The following ANO4 variants were observed in gnomAD, a reference collection of about 807,000 sequenced individuals.
ANO4 encodes the protein anoctamin 4.
Under a neutral mutation model 141.9 loss-of-function variants are expected in ANO4, and 69 were observed. That is an observed-to-expected ratio of 0.49 (90% CI 0.40 to 0.59). The LOEUF (loss-of-function observed/expected upper bound fraction) is 0.59. Ranked by LOEUF, ANO4 falls within the 20% of genes least tolerant of loss-of-function variation. The pLI is 0.00. For synonymous variants in ANO4, 350 were observed against 394.3 expected (o/e 0.89, Z 1.33); for missense variants, 894 against 1,162.2 (o/e 0.77, Z 3.36).
At chr12:100,937,431 G>A (rs78966216) in intron 3 of ANO4, among the ~76,000 whole-genome samples, 3,233 of 152,274 alleles carry the variant, frequency 0.021, 118 homozygotes, top group African/African-American at 0.073. Flanking sequence ...CAGTGGTCAG[G>A]GAAGTTGTCT....
At chr12:101,083,588 C>T in intron 15 of ANO4, 90 bp from the exon 16 acceptor site, 5 of 1,467,124 alleles carry the variant, frequency 3.4e-6, no homozygotes, top group Non-Finnish European at 4.6e-6. Flanking sequence ...CAGCTGTTGA[C>T]TCTGTTTTAT....
At chr12:101,026,926 A>G (rs570784239) in intron 9 of ANO4, among the ~76,000 whole-genome samples, 2 of 152,308 alleles carry the variant, frequency 1.3e-5, no homozygotes, top group South Asian at 4.1e-4. Context: ...TTTTCAAGAG[A>G]ATGAAAAGAA....
chr12:101,065,538 A>G (rs1187873457), intron 14 of ANO4, among the ~76,000 whole-genome samples: 3 of 152,214 alleles, frequency 2.0e-5, no homozygotes, highest in Admixed American at 1.3e-4. Flanking sequence ...TTAGACTCAT[A>G]CAACTTACCA....
chr12:101,078,759 T>G (rs2049126194), intron 14 of ANO4, among the ~76,000 whole-genome samples: 1 of 152,192 alleles, frequency 6.6e-6, no homozygotes, highest in South Asian at 2.1e-4. Context: ...TCATTTTGAC[T>G]TTTCTGCTCC....
intron 5 of ANO4, among the ~76,000 whole-genome samples, chr12:100,953,992 A>G (rs576101467): frequency 6.6e-4 from 101 of 152,216 alleles, no homozygotes; most frequent in African/African-American, 1.9e-3. Flanking sequence ...CAGTGTTGGG[A>G]TTTTGGAGAG....
At chr12:100,911,189 A>T (rs761554030) in intron 2 of ANO4, among the ~76,000 whole-genome samples, 3 of 152,144 alleles carry the variant, frequency 2.0e-5, no homozygotes, top group Non-Finnish European at 4.4e-5. Context: ...TAATATTCTC[A>T]TGCTATTTTC....
intron 1 of ANO4, among the ~76,000 whole-genome samples, chr12:100,892,538 T>C (rs2040155928): frequency 6.6e-6 from 1 of 152,200 alleles, no homozygotes; most frequent in Admixed American, 6.5e-5. Flanking sequence ...ACCTGTAGTC[T>C]TCCTTAGGTA....
At chr12:101,105,154 C>T (rs186090631) in intron 22 of ANO4, among the ~76,000 whole-genome samples, 47 of 152,246 alleles carry the variant, frequency 3.1e-4, no homozygotes, top group African/African-American at 1.1e-3. Flanking sequence ...GTTTCTCAAT[C>T]ACAGCAAAGG....
intron 22 of ANO4, 147 bp downstream of exon 22, chr12:101,099,867 T>C (rs913487032): frequency 1.8e-6 from 1 of 545,890 alleles, no homozygotes; most frequent in African/African-American, 2.0e-5. Flanking sequence ...CTGCTTAAAC[T>C]GTGCTACACT....
At chr12:100,794,428 T>C (rs188143266), upstream of ANO4, among the ~76,000 whole-genome samples, 110 of 152,258 alleles carry the variant, frequency 7.2e-4, no homozygotes, top group African/African-American at 2.6e-3. Flanking sequence ...CAAGCAAACA[T>C]TAACAGCAGC....
chr12:100,929,642 C>A (rs1283525335), intron 3 of ANO4, among the ~76,000 whole-genome samples: 1 of 152,080 alleles, frequency 6.6e-6, no homozygotes, highest in Non-Finnish European at 1.5e-5. Context: ...AGCAGAATTG[C>A]TGGATCATAT....
At chr12:100,942,236 C>T in intron 4 of ANO4, 141 bp from the exon 5 acceptor site, 2 of 884,290 alleles carry the variant, frequency 2.3e-6, no homozygotes, top group Non-Finnish European at 3.4e-6. Context: ...GCCTCGGCCT[C>T]CCAAAGTGCT....
chr12:100,806,215 GT>G lies in ANO4; in HGVS notation c.-141+11189del, dbSNP rs556790443. Among the ~76,000 whole-genome samples the G allele has an allele frequency of 2.1e-3, 327 of 152,212 alleles. 2 individuals carry two copies. The highest frequency in any genetic ancestry group is 7.5e-3 in the African/African-American group (312 of 41,536). ...AAAAGTGGAATGCCTGGTTCACAGG[GT>G]ATGTGAGTTTAAAAATTCTGATGGC... On this transcript the variant is annotated intron_variant, in intron 1 of 27. Transcript: ENST00000392977.
intron 14 of ANO4, chr12:101,069,237 A>G (rs2048713610): frequency 2.5e-6 from 3 of 1,218,486 alleles, no homozygotes; most frequent in Non-Finnish European, 2.4e-6. Flanking sequence ...AATAACTGAT[A>G]TGCCTTCACT....
chr12:100,721,324 T>C (rs2030856223), intron 1 of ANO4, among the ~76,000 whole-genome samples: 1 of 152,170 alleles, frequency 6.6e-6, no homozygotes, highest in Non-Finnish European at 1.5e-5. Context: ...CAGAGTCAGC[T>C]GGAGGAGACA....
intron 3 of ANO4, among the ~76,000 whole-genome samples, chr12:100,764,303 A>C (rs1268131318): frequency 6.6e-6 from 1 of 152,170 alleles, no homozygotes; most frequent in South Asian, 2.1e-4. Context: ...GAACTTAACT[A>C]TCTAGGAACC....
At chr12:100,789,975 A>G (rs2033991880), upstream of ANO4, among the ~76,000 whole-genome samples, 1 of 152,210 alleles carries the variant, frequency 6.6e-6, no homozygotes, top group Non-Finnish European at 1.5e-5. Flanking sequence ...ACAGAGGAAG[A>G]AGCGATTAAG....
intron 1 of ANO4, among the ~76,000 whole-genome samples, chr12:100,843,902 T>A (rs969844752): frequency 2.0e-5 from 3 of 152,198 alleles, no homozygotes; most frequent in African/African-American, 7.2e-5. Context: ...TCTCTTCCGA[T>A]AGAAGCTGAG....
chr12:101,037,820 G>A (rs193003370), intron 10 of ANO4, among the ~76,000 whole-genome samples: 2 of 152,226 alleles, frequency 1.3e-5, no homozygotes, highest in African/African-American at 4.8e-5. Flanking sequence ...CCCTACTGTG[G>A]TCACTATATG....
Sources: allele counts gnomAD v4.1 joint callset (sites outside exome capture counted in the v4.1 genomes callset), GRCh38; gene constraint gnomAD v4.1.1; transcripts MANE v1.5; gene names NCBI Gene and HGNC (gene_info 2026-07-23, HGNC 2026-07-21).